ANKRD33B: variants seen among roughly 807,000 people sequenced by gnomAD.
ANKRD33B encodes ankyrin repeat domain 33B, also known as ankyrin repeat domain-containing protein 33B.
A neutral mutation model predicts 21.5 loss-of-function variants in ANKRD33B; 6 were observed. The ratio of observed to expected loss-of-function variants is 0.28; its 90% CI spans 0.15 to 0.55. The LOEUF is 0.55. Among genes scored for constraint, ANKRD33B ranks in the 20% least tolerant of loss-of-function variants. ANKRD33B has a pLI of 0.94. For missense variants in ANKRD33B, 698 were observed against 747.2 expected (o/e 0.93, Z 0.77); for synonymous variants, 347 against 342.4 (o/e 1.01, Z -0.15).
chr5:10,575,978 TACACAC>T (rs60058725), intron 1 of ANKRD33B, among the ~76,000 whole-genome samples: 6 of 150,068 alleles, frequency 4.0e-5, no homozygotes, highest in South Asian at 2.1e-4. Flanking sequence ...GATGGACGTA[TACACAC>T]ACACACACAC....
intron 2 of ANKRD33B, among the ~76,000 whole-genome samples, chr5:10,636,664 G>A (rs972231430): frequency 2.6e-5 from 4 of 152,134 alleles, no homozygotes; most frequent in African/African-American, 9.7e-5. Context: ...ACCTCCCCTG[G>A]GGTTCAGGAG....
At chr5:10,632,190 G>A (rs993930507) in intron 2 of ANKRD33B, among the ~76,000 whole-genome samples, 18 of 152,160 alleles carry the variant, frequency 1.2e-4, no homozygotes, top group Middle Eastern at 3.4e-3. Context: ...TGTGGGCAGC[G>A]TGGGGGGCGA....
At chr5:10,569,145 C>G (rs1366871079) in intron 1 of ANKRD33B, among the ~76,000 whole-genome samples, 1 of 152,150 alleles carries the variant, frequency 6.6e-6, no homozygotes, top group Non-Finnish European at 1.5e-5. Flanking sequence ...CCGTCTTTAC[C>G]AGGCCTCGGT....
chr5:10,633,058 G>C (rs977666015), intron 2 of ANKRD33B, among the ~76,000 whole-genome samples: 1 of 149,990 alleles, frequency 6.7e-6, no homozygotes, highest in African/African-American at 2.5e-5. Flanking sequence ...AAAGTGCTAG[G>C]ATTACAGGCG....
intron 2 of ANKRD33B, among the ~76,000 whole-genome samples, chr5:10,626,999 C>T (rs1736567339): frequency 6.6e-6 from 1 of 152,208 alleles, no homozygotes; most frequent in South Asian, 2.1e-4. Flanking sequence ...CTGGAGGACA[C>T]AGCATTTATG....
Position 10,651,813 on chromosome 5 carries a change from C to T in ANKRD33B, c.*1700C>T, listed in dbSNP as rs1390690709. 1.3e-5 allele frequency: 2 copies of T among 152,386 alleles called. No homozygotes were observed. Among genetic ancestry groups the T allele is most frequent in the African/African-American group, 4.8e-5 (2 of 41,438 alleles). 9.4% of individuals were successfully genotyped at this position (152,386 alleles called of 1,614,324 possible). A position where few individuals can be genotyped will look rare whatever the true frequency, so the allele number is the denominator to read the frequency against. ...GCAACCAGGGATCTTAAACTGGCCT[C>T]TCCAAATACTCCATTGAACAGGACT... On this transcript the variant is annotated 3_prime_UTR_variant, in exon 4 of 4. Coordinates refer to ENST00000296657, the MANE Select transcript of ANKRD33B (RefSeq NM_001164440.2).
At chr5:10,577,076 T>TTTCCCCTTTCCCTTTCCCTTCCCC (rs1475862785) in intron 1 of ANKRD33B, among the ~76,000 whole-genome samples, 3 of 151,880 alleles carry the variant, frequency 2.0e-5, no homozygotes, top group Admixed American at 6.6e-5. Flanking sequence ...TTCCCTTCCC[T>TTTCCCCTTTCCCTTTCCCTTCCCC]TTCCCCTTTC....
chr5:10,648,766 A>C (rs1175560715), intron 3 of ANKRD33B, among the ~76,000 whole-genome samples: 2 of 152,168 alleles, frequency 1.3e-5, no homozygotes, highest in Non-Finnish European at 2.9e-5. Context: ...TCTCGAAAAA[A>C]AAAATTCTGT....
intron 1 of ANKRD33B, among the ~76,000 whole-genome samples, chr5:10,568,506 C>T (rs1389264619): frequency 1.3e-5 from 2 of 152,230 alleles, no homozygotes; most frequent in Non-Finnish European, 2.9e-5. Context: ...AAATACTGCA[C>T]TCCTGTCCTG....
intron 2 of ANKRD33B, among the ~76,000 whole-genome samples, chr5:10,620,801 C>T (rs999089723): frequency 5.9e-5 from 9 of 152,176 alleles, no homozygotes; most frequent in South Asian, 2.1e-4. Flanking sequence ...CTAAATTTGA[C>T]GAACTGCTTA....
chr5:10,641,595 C>T (rs904289365), intron 3 of ANKRD33B, among the ~76,000 whole-genome samples: 3 of 152,028 alleles, frequency 2.0e-5, no homozygotes, highest in African/African-American at 4.8e-5. Flanking sequence ...AGTCTTGATT[C>T]CAACCAGTGT....
At chr5:10,571,416 G>C (rs915044915) in intron 1 of ANKRD33B, among the ~76,000 whole-genome samples, 1 of 152,078 alleles carries the variant, frequency 6.6e-6, no homozygotes, top group Non-Finnish European at 1.5e-5. Flanking sequence ...TGGCCAGGCT[G>C]GTCTCAAACT....
At chr5:10,629,340 T>C (rs1477187661) in intron 2 of ANKRD33B, among the ~76,000 whole-genome samples, 2 of 152,174 alleles carry the variant, frequency 1.3e-5, no homozygotes, top group Non-Finnish European at 1.5e-5. Flanking sequence ...CCTATGCTGG[T>C]CTCAAATTCC....
intron 2 of ANKRD33B, among the ~76,000 whole-genome samples, chr5:10,631,474 A>G (rs1736708375): frequency 6.6e-6 from 1 of 152,238 alleles, no homozygotes; most frequent in Non-Finnish European, 1.5e-5. Flanking sequence ...GACGAGGTTC[A>G]TAAACTTGGA....
At chr5:10,593,015 G>A (rs903494360) in intron 1 of ANKRD33B, among the ~76,000 whole-genome samples, 6 of 151,988 alleles carry the variant, frequency 3.9e-5, no homozygotes, top group Admixed American at 6.6e-5. Flanking sequence ...CCTCTGTTAG[G>A]TAAGGACCTT....
Position 10,577,796 on chromosome 5 carries a change from A to G in ANKRD33B, c.366+12963A>G, listed in dbSNP as rs1008089883. On this transcript the variant is annotated intron_variant, in intron 1 of 3. Transcript: ENST00000296657. ...GGTGTTAGATAACGGGCAGGTTTCT[A>G]GGAAATGAATTCCATGTACAGTAGA... Among the ~76,000 whole-genome samples the G allele has an allele frequency of 3.9e-5, 6 of 152,238 alleles. No homozygotes were observed. In the South Asian group the frequency reaches 6.2e-4, roughly 16 times the overall value.
At chr5:10,570,179 C>T (rs917672787) in intron 1 of ANKRD33B, among the ~76,000 whole-genome samples, 5 of 152,134 alleles carry the variant, frequency 3.3e-5, no homozygotes, top group African/African-American at 1.2e-4. Context: ...ACCCAGCCCC[C>T]ATGTGTTTTT....
intron 2 of ANKRD33B, among the ~76,000 whole-genome samples, chr5:10,620,717 G>A (rs552622870): frequency 6.6e-6 from 1 of 152,330 alleles, no homozygotes; most frequent in East Asian, 1.9e-4. Context: ...GCAAGAATAT[G>A]GCATTGGCCA....
rs565420112 is a variant in ANKRD33B at position 10,650,195 on chromosome 5, G to A, written c.*82G>A. 1.4e-4 allele frequency: 188 copies of A among 1,351,070 alleles called. 1 individual carries two copies. In the African/African-American group the frequency reaches 2.6e-3, roughly 19 times the overall value. 83.7% of individuals were successfully genotyped at this position (1,351,070 alleles called of 1,614,324 possible). On this transcript the variant is annotated 3_prime_UTR_variant, in exon 4 of 4. Coordinates refer to ENST00000296657, the MANE Select transcript of ANKRD33B (RefSeq NM_001164440.2). ...TGGGCGCGGAGAAGGAGGCGGCCCCGTTGCGCATCGCACCACTTCCGCTCC... is the reference window on the plus strand; with the variant it reads ...TGGGCGCGGAGAAGGAGGCGGCCCCATTGCGCATCGCACCACTTCCGCTCC...
Sources: gnomAD v4.1 joint callset for allele counts (sites outside exome capture counted in the v4.1 genomes callset) on GRCh38, gnomAD v4.1.1 for gene constraint, MANE v1.5 for transcripts, NCBI Gene and HGNC (gene_info 2026-07-23, HGNC 2026-07-21) for gene names.